The following ATP8A2 variants were observed in gnomAD, a reference collection of about 807,000 sequenced individuals.
ATP8A2 encodes ATPase phospholipid transporting 8A2, also known as phospholipid-transporting ATPase IB.
In ATP8A2, 100 loss-of-function variants were observed where a neutral mutation model predicts 165.6. That is an observed-to-expected ratio of 0.60 (90% CI 0.51 to 0.71). The LOEUF is 0.71. ATP8A2 is among the 30% of genes least tolerant of loss of function. The pLI is 0.00. For synonymous variants in ATP8A2, 543 were observed against 548.8 expected (o/e 0.99, Z 0.15); for missense variants, 1,227 against 1,479.5 (o/e 0.83, Z 2.80).
intron 1 of ATP8A2, among the ~76,000 whole-genome samples, chr13:25,464,292 G>A (rs1339011687): frequency 6.6e-6 from 1 of 151,920 alleles, no homozygotes; most frequent in African/African-American, 2.4e-5. Context: ...CAGGTTCTCT[G>A]CATACTGCTT....
At chr13:25,815,789 A>G (rs79579725) in intron 27 of ATP8A2, among the ~76,000 whole-genome samples, 3,276 of 152,274 alleles carry the variant, frequency 0.022, 110 homozygotes, top group African/African-American at 0.075. Context: ...CAACCCAAAT[A>G]TCCATGTATG....
intron 36 of ATP8A2, among the ~76,000 whole-genome samples, chr13:26,013,662 G>A (rs1228770472): frequency 5.6e-5 from 7 of 125,906 alleles, no homozygotes; most frequent in African/African-American, 2.1e-4. Context: ...CAACAAGAGC[G>A]AAACTTGGTC....
In ATP8A2 at chr13:25,579,673, G is replaced by A. The variant is rs112643885; in HGVS notation, c.1868-135G>A. 1,819 of 868,158 alleles carry A rather than the reference G, an allele frequency of 2.1e-3. 25 individuals are homozygous for A. In the African/African-American group the frequency reaches 0.027, roughly 13 times the overall value. 53.8% of individuals were successfully genotyped at this position (868,158 alleles called of 1,614,324 possible). A position where few individuals can be genotyped will look rare whatever the true frequency, so the allele number is the denominator to read the frequency against. On this transcript the variant is annotated intron_variant, in intron 21 of 36. Coordinates refer to ENST00000381655, the MANE Select transcript of ATP8A2 (RefSeq NM_016529.6). ...TAAAGGTCCCTTGGTAGATGTGGGA[G>A]TGTTGAATTAGAGTGACCTAAAGCA...
chr13:25,614,020 T>C (rs1033340673), intron 24 of ATP8A2, among the ~76,000 whole-genome samples: 1 of 152,216 alleles, frequency 6.6e-6, no homozygotes, highest in African/African-American at 2.4e-5. Flanking sequence ...ACCTAGGCGA[T>C]GATCTTTTTG....
intron 16 of ATP8A2, among the ~76,000 whole-genome samples, chr13:25,565,953 A>C (rs2039301196): frequency 6.6e-6 from 1 of 151,598 alleles, no homozygotes. Flanking sequence ...AATATGATTA[A>C]TTTTTTTTTC....
intron 24 of ATP8A2, among the ~76,000 whole-genome samples, chr13:25,590,445 G>A (rs1468968892): frequency 2.0e-5 from 3 of 152,060 alleles, no homozygotes; most frequent in Admixed American, 6.6e-5. Context: ...TAATACATTC[G>A]TATAGTAATA....
chr13:25,424,936 C>A (rs945393889), intron 1 of ATP8A2, among the ~76,000 whole-genome samples: 1 of 152,022 alleles, frequency 6.6e-6, no homozygotes, highest in Admixed American at 6.6e-5. Context: ...CCAGCCCGGG[C>A]GACAAGAGCA....
chr13:25,896,192 A>G (rs1019290704), intron 33 of ATP8A2, among the ~76,000 whole-genome samples: 1 of 152,220 alleles, frequency 6.6e-6, no homozygotes, highest in Non-Finnish European at 1.5e-5. Context: ...TTCCCTCTAC[A>G]CACTACTTTG....
intron 24 of ATP8A2, among the ~76,000 whole-genome samples, chr13:25,600,871 A>G (rs1354122293): frequency 6.6e-6 from 1 of 152,192 alleles, no homozygotes; most frequent in African/African-American, 2.4e-5. Context: ...AGCAGATAAT[A>G]TCTAGCACCA....
chr13:25,774,819 C>A, intron 26 of ATP8A2, 30 bp from the exon 27 acceptor site: 3 of 1,337,748 alleles, frequency 2.2e-6, no homozygotes, highest in Non-Finnish European at 3.2e-6. Flanking sequence ...ATGATGGGCT[C>A]TTCTGAGCTT....
rs537567601 is a variant in ATP8A2, at chr13:25,946,310, A to G, written c.3184-15265A>G. 3.3e-5 allele frequency among the ~76,000 whole-genome samples: 5 copies of G among 152,170 alleles called. No homozygotes were observed. In the East Asian group the frequency reaches 9.7e-4, roughly 30 times the overall value. ...CTCCTCCTGAGAGTCTCTCTCATACATCTCAAATCTGAGATACAGATTGAG... is the reference window on the plus strand; with the variant it reads ...CTCCTCCTGAGAGTCTCTCTCATACGTCTCAAATCTGAGATACAGATTGAG... On this transcript the variant is annotated intron_variant, in intron 33 of 36. Transcript: ENST00000381655.
At chr13:25,575,855 A>G (rs2039602311) in intron 19 of ATP8A2, among the ~76,000 whole-genome samples, 3 of 152,162 alleles carry the variant, frequency 2.0e-5, no homozygotes, top group African/African-American at 7.2e-5. Context: ...GATTACATTA[A>G]CTGGGACCAG....
At chr13:25,637,678 G>T (rs1157051840) in intron 24 of ATP8A2, among the ~76,000 whole-genome samples, 2 of 152,142 alleles carry the variant, frequency 1.3e-5, no homozygotes, top group African/African-American at 4.8e-5. Context: ...TCCAACTCTG[G>T]GGGCAGGGCA....
At chr13:25,801,427 T>C (rs543182601) in intron 27 of ATP8A2, among the ~76,000 whole-genome samples, 1 of 152,262 alleles carries the variant, frequency 6.6e-6, no homozygotes, top group African/African-American at 2.4e-5. Flanking sequence ...ATAACTCTTT[T>C]TGCAGCTCAT....
At chr13:25,552,300 A>C (rs1346473139) in intron 11 of ATP8A2, among the ~76,000 whole-genome samples, 1 of 151,960 alleles carries the variant, frequency 6.6e-6, no homozygotes, top group African/African-American at 2.4e-5. Context: ...GTTGTTTTAT[A>C]TTAACATATT....
chr13:25,898,439 G>T (rs1005824454), intron 33 of ATP8A2, among the ~76,000 whole-genome samples: 1 of 152,218 alleles, frequency 6.6e-6, no homozygotes, highest in Non-Finnish European at 1.5e-5. Flanking sequence ...CGCCCCTACT[G>T]GGGGGTGCCT....
At chr13:25,488,705 A>G (rs1011442742) in intron 2 of ATP8A2, among the ~76,000 whole-genome samples, 1 of 152,188 alleles carries the variant, frequency 6.6e-6, no homozygotes, top group East Asian at 1.9e-4. Context: ...ACCTGTCTCA[A>G]GAAGAAAAAA....
At chr13:25,601,791 G>A (rs895157126) in intron 24 of ATP8A2, among the ~76,000 whole-genome samples, 3 of 152,126 alleles carry the variant, frequency 2.0e-5, no homozygotes, top group African/African-American at 4.8e-5. Flanking sequence ...TATTGTTAAC[G>A]TGATTTTTTA....
chr13:25,882,539 A>C (rs1333547421), intron 33 of ATP8A2, among the ~76,000 whole-genome samples: 4 of 152,294 alleles, frequency 2.6e-5, no homozygotes, highest in Admixed American at 2.6e-4. Context: ...GAACAACTCC[A>C]TTGTACCATA....
Sources: allele counts gnomAD v4.1 joint callset (sites outside exome capture counted in the v4.1 genomes callset), GRCh38; gene constraint gnomAD v4.1.1; transcripts MANE v1.5; gene names NCBI Gene and HGNC (gene_info 2026-07-23, HGNC 2026-07-21).